Variants in AKR1C3 observed in about 807,000 individuals in gnomAD.
AKR1C3 encodes the protein 3-alpha hydroxysteroid dehydrogenase, type II.
A neutral mutation model predicts 43.6 loss-of-function variants in AKR1C3; 48 were observed. The ratio of observed to expected loss-of-function variants is 1.10; its 90% CI spans 0.87 to 1.40. The LOEUF is 1.40. AKR1C3 is among the 40% of genes most tolerant of loss of function. The probability of loss-of-function intolerance (pLI) is 0.00; values close to 1 mark genes in which losing one functional copy is unlikely to be tolerated. For synonymous variants in AKR1C3, 162 were observed against 139.6 expected (o/e 1.16, Z -1.13); for missense variants, 482 against 391.2 (o/e 1.23, Z -1.96).
intron 1 of AKR1C3, among the ~76,000 whole-genome samples, chr10:5,087,186 G>A (rs1314347243): frequency 1.3e-5 from 2 of 152,120 alleles, no homozygotes; most frequent in Admixed American, 6.6e-5. Context: ...AATTTGGCAT[G>A]TTTTTGCAGT....
intron 1 of AKR1C3, among the ~76,000 whole-genome samples, chr10:5,052,539 C>A (rs1458609231): frequency 6.6e-6 from 1 of 152,092 alleles, no homozygotes; most frequent in Non-Finnish European, 1.5e-5. Context: ...GTTTACAATC[C>A]CTGAGCTAGA....
Position 5,094,488 on chromosome 10 carries a change from T to A in AKR1C3, c.44T>A (p.Phe15Tyr), listed in dbSNP as rs1554784859. The A allele has an allele frequency of 2.5e-6, 4 of 1,612,910 alleles. No homozygotes were observed. Among genetic ancestry groups the A allele is most frequent in the Non-Finnish European group, 2.5e-6 (3 of 1,179,058 alleles). ...TGTGTAAAGCTAAATGATGGCCACT[T>A]CATGCCTGTATTGGGATTTGGCACC... ...HQCVKLNDGH[F>Y]MPVLGFGTYA... The change falls in exon 1 of 9, where the codon TTC becomes TAC. Residue 15 changes from phenylalanine to tyrosine, a missense_variant. Transcript: ENST00000380554.
chr10:5,091,202 A>G (rs906035570), upstream of AKR1C3, among the ~76,000 whole-genome samples: 2 of 151,832 alleles, frequency 1.3e-5, no homozygotes, highest in Admixed American at 6.6e-5. Flanking sequence ...AGAACTTAGC[A>G]GAGAGAAAAA....
intron 6 of AKR1C3, 93 bp from the exon 7 acceptor site, chr10:5,102,392 C>A (rs1554786189): frequency 3.2e-6 from 5 of 1,563,544 alleles, no homozygotes; most frequent in Non-Finnish European, 4.4e-6. Flanking sequence ...TTGAGAAGCT[C>A]CGGTGCAGAG....
chr10:5,090,072 A>T (rs782556173), upstream of AKR1C3, among the ~76,000 whole-genome samples: 5 of 152,078 alleles, frequency 3.3e-5, no homozygotes, highest in Non-Finnish European at 5.9e-5. Flanking sequence ...TATGAGTAAG[A>T]GCCAGCTGTG....
intron 1 of AKR1C3, among the ~76,000 whole-genome samples, chr10:5,075,953 G>A (rs2131810411): frequency 6.6e-6 from 1 of 151,752 alleles, no homozygotes; most frequent in Admixed American, 6.6e-5. Context: ...AGATGGAGGG[G>A]CACAGGTTGC....
intron 4 of AKR1C3, 111 bp from the exon 5 acceptor site, chr10:5,099,216 C>T: frequency 6.5e-6 from 10 of 1,540,782 alleles, no homozygotes; most frequent in Non-Finnish European, 8.8e-6. Context: ...TCACTGCTAG[C>T]TATTTTCATT....
At chr10:5,079,261 T>G (rs1838779313) in intron 1 of AKR1C3, among the ~76,000 whole-genome samples, 2 of 152,162 alleles carry the variant, frequency 1.3e-5, no homozygotes, top group African/African-American at 4.8e-5. Context: ...CATGGTGCAC[T>G]CTTAGCTTTT....
At chr10:5,074,740 C>G (rs1434610850) in intron 1 of AKR1C3, among the ~76,000 whole-genome samples, 2 of 152,176 alleles carry the variant, frequency 1.3e-5, no homozygotes, top group African/African-American at 4.8e-5. Flanking sequence ...TACCCACCTC[C>G]CCCATATTTT....
chr10:5,077,391 A>G (rs1275179521), intron 1 of AKR1C3, among the ~76,000 whole-genome samples: 3 of 152,238 alleles, frequency 2.0e-5, no homozygotes, highest in Non-Finnish European at 2.9e-5. Flanking sequence ...TCATGTCAAG[A>G]CTATAGGTTT....
At chr10:5,064,912 C>G (rs371907667) in intron 1 of AKR1C3, among the ~76,000 whole-genome samples, 5,138 of 38,234 alleles carry the variant, frequency 0.13, 125 homozygotes, top group African/African-American at 0.21. Flanking sequence ...GAAACCTAAA[C>G]AAAATAAGCA....
intron 1 of AKR1C3, among the ~76,000 whole-genome samples, chr10:5,074,265 G>A (rs1167994999): frequency 6.6e-6 from 1 of 152,146 alleles, no homozygotes; most frequent in Non-Finnish European, 1.5e-5. Context: ...GTGTGTCATG[G>A]TCATTTGTCC....
intron 3 of AKR1C3, chr10:5,098,090 G>GT: frequency 1.0e-6 from 1 of 988,698 alleles, no homozygotes; most frequent in Non-Finnish European, 1.2e-6. Flanking sequence ...TTACTGTGTA[G>GT]TGTATAACTT....
Position 5,107,441 on chromosome 10 carries a change from A to G in AKR1C3, c.930-20A>G, listed in dbSNP as rs1839535020. 1.3e-6 allele frequency: 2 copies of G among 1,497,288 alleles called. No homozygotes were observed. The highest frequency in any genetic ancestry group is 1.1e-5 in the South Asian group (1 of 88,560). 92.8% of individuals were successfully genotyped at this position (1,497,288 alleles called of 1,614,324 possible). On this transcript the variant is annotated intron_variant, in intron 8 of 8. Transcript: ENST00000380554. Reference sequence around the variant, plus strand: ...GTAATGGAGTCATTGCATTTATATTATACATTATTCTCTTTTCAGTTTTGC... The same window carrying G: ...GTAATGGAGTCATTGCATTTATATTGTACATTATTCTCTTTTCAGTTTTGC...
chr10:5,094,011 C>T (rs10904415), upstream of AKR1C3: 46,019 of 152,458 alleles, frequency 0.3, 7,541 homozygotes, highest in Non-Finnish European at 0.36. Context: ...GAGAGAAAGA[C>T]GTAAGATGGT....
intron 1 of AKR1C3, chr10:5,081,986 C>CG (rs1838847575): frequency 6.6e-6 from 1 of 152,008 alleles, no homozygotes; most frequent in Non-Finnish European, 1.5e-5. Context: ...CCTAAACCTA[C>CG]TTGCATGATG....
intron 1 of AKR1C3, among the ~76,000 whole-genome samples, chr10:5,055,667 C>G (rs1321240386): frequency 1.7e-5 from 2 of 115,024 alleles, no homozygotes; most frequent in Non-Finnish European, 3.7e-5. Context: ...GCTATACTGG[C>G]TCTCTCTGTG....
chr10:5,087,567 G>T (rs188658950), intron 1 of AKR1C3, among the ~76,000 whole-genome samples: 9 of 151,674 alleles, frequency 5.9e-5, no homozygotes, highest in East Asian at 3.9e-4. Flanking sequence ...GTAGAGGCGG[G>T]GTTTCACCAT....
At chr10:5,095,834 C>T (rs546119779) in intron 1 of AKR1C3, among the ~76,000 whole-genome samples, 1 of 151,996 alleles carries the variant, frequency 6.6e-6, no homozygotes, top group Non-Finnish European at 1.5e-5. Context: ...GTTGTGTAGC[C>T]AGAATGACTA....
Sources: gnomAD v4.1 joint callset for allele counts (sites outside exome capture counted in the v4.1 genomes callset) on GRCh38, gnomAD v4.1.1 for gene constraint, MANE v1.5 for transcripts, NCBI Gene and HGNC (gene_info 2026-07-23, HGNC 2026-07-21) for gene names.